PSD4: variants seen among roughly 807,000 people sequenced by gnomAD.
PSD4 encodes the protein pleckstrin and Sec7 domain containing 4.
A neutral mutation model predicts 112.5 loss-of-function variants in PSD4; 59 were observed. The ratio of observed to expected loss-of-function variants is 0.52; its 90% CI spans 0.43 to 0.65. PSD4 has a LOEUF of 0.65. Among genes scored for constraint, PSD4 ranks in the 30% least tolerant of loss-of-function variants. The pLI is 0.00. For missense variants in PSD4, 1,267 were observed against 1,352.6 expected, an observed-to-expected ratio of 0.94 and a Z score of 0.99; for synonymous variants, 533 against 540.0, an observed-to-expected ratio of 0.99 and a Z score of 0.18.
chr2:113,180,386 G>A (rs1007043538), intron 1 of PSD4, among the ~76,000 whole-genome samples: 3 of 152,208 alleles, frequency 2.0e-5, no homozygotes, highest in African/African-American at 7.2e-5. Flanking sequence ...CTAGTGCTGG[G>A]CAGGGAGGAG....
chr2:113,195,256 G>C (rs1472696484), intron 10 of PSD4, among the ~76,000 whole-genome samples: 1 of 151,884 alleles, frequency 6.6e-6, no homozygotes, highest in African/African-American at 2.4e-5. Context: ...CGCCTCCCGG[G>C]TTCAAGCAAT....
intron 16 of PSD4, among the ~76,000 whole-genome samples, 175 bp downstream of exon 16, chr2:113,199,401 C>T (rs1468854707): frequency 6.6e-6 from 1 of 152,258 alleles, no homozygotes; most frequent in Non-Finnish European, 1.5e-5. Context: ...CCCACATGGA[C>T]ACCCGCGTGC....
chr2:113,178,595 G>A (rs1688039857), intron 1 of PSD4, among the ~76,000 whole-genome samples: 1 of 151,930 alleles, frequency 6.6e-6, no homozygotes, highest in South Asian at 2.1e-4. Flanking sequence ...GACAAGTGGG[G>A]TTTCCTCTCA....
chr2:113,176,904 G>A (rs1484330792), intron 1 of PSD4, among the ~76,000 whole-genome samples: 2 of 152,154 alleles, frequency 1.3e-5, no homozygotes, highest in African/African-American at 2.4e-5. Flanking sequence ...CTGGGTGACC[G>A]GTAGGACTGC....
intron 1 of PSD4, among the ~76,000 whole-genome samples, chr2:113,181,193 A>C (rs1465186094): frequency 6.1e-5 from 9 of 148,314 alleles, no homozygotes; most frequent in African/African-American, 2.3e-4. Context: ...GTGCCGCTAC[A>C]CTCCAACCCG....
intron 5 of PSD4, among the ~76,000 whole-genome samples, chr2:113,191,260 C>T (rs1473921790): frequency 6.6e-6 from 1 of 152,082 alleles, no homozygotes; most frequent in African/African-American, 2.4e-5. Context: ...TGTTATATAT[C>T]TGTTTATCAG....
At chr2:113,197,010 G>A (rs925998956) in intron 12 of PSD4, among the ~76,000 whole-genome samples, 6 of 152,268 alleles carry the variant, frequency 3.9e-5, no homozygotes, top group Non-Finnish European at 8.8e-5. Context: ...CTGTGAAGCC[G>A]CCGGGGCCCT....
chr2:113,194,857 C>A lies in PSD4; in HGVS notation c.2182-870C>A, dbSNP rs563049730. 2.6e-5 allele frequency among the ~76,000 whole-genome samples: 4 copies of A among 152,350 alleles called. No individual in the cohort carries two copies. The East Asian group carries it at 7.7e-4, about 29-fold the overall frequency. On this transcript the variant is annotated intron_variant, in intron 10 of 16. Coordinates refer to ENST00000245796, the MANE Select transcript of PSD4 (RefSeq NM_012455.3). ...CATCCTTGACTGAACCATCATGATG[C>A]TGTTATATGGTACATGGCTGTACTT...
intron 14 of PSD4, 27 bp from the exon 15 acceptor site, chr2:113,198,713 G>A (rs1228262980): frequency 1.3e-6 from 2 of 1,515,894 alleles, no homozygotes; most frequent in Non-Finnish European, 1.8e-6. Flanking sequence ...CTGTGTCCCC[G>A]GGGACCAACG....
At position 113,182,975 on chromosome 2, in the gene PSD4, G is replaced by A. The variant is rs370450608; in HGVS notation, c.519G>A (p.Glu173=). The A allele has an allele frequency of 8.1e-6, 13 of 1,614,228 alleles. No homozygotes were observed. Among genetic ancestry groups the A allele is most frequent in the South Asian group, 1.1e-5 (1 of 91,092 alleles). The change falls in exon 2 of 17, where the codon GAG becomes GAA. Residue 173 remains glutamate, a synonymous_variant. Coordinates refer to ENST00000245796, the MANE Select transcript of PSD4 (RefSeq NM_012455.3). ...AQMCVLDLEE[E]LEKTEGLKAG... ...TGTGTGTCCTAGACCTGGAGGAGGAGCTGGAGAAGACGGAAGGGCTCAAGG... is the reference window on the plus strand; with the variant it reads ...TGTGTGTCCTAGACCTGGAGGAGGAACTGGAGAAGACGGAAGGGCTCAAGG...
At position 113,182,942 on chromosome 2, in the gene PSD4, G is replaced by A; in HGVS notation, c.486G>A (p.Gln162=). 6.2e-7 allele frequency: 1 copy of A among 1,614,224 alleles called. No homozygotes were observed. The highest frequency in any genetic ancestry group is 8.5e-7 in the Non-Finnish European group (1 of 1,180,040). Residue 162 remains glutamine, a synonymous_variant, in exon 2 of 17, where the codon CAG becomes CAA. Transcript: ENST00000245796. ...TAGTGTTCTGGGCAGGCATCCTGCA[G>A]GCCCAGATGTGTGTCCTAGACCTGG... The part of the protein sequence containing the change: ...TQVVFWAGIL[Q]AQMCVLDLEE...
rs1688169456 is a variant in PSD4 at position 113,182,604 on chromosome 2, A to G, written c.148A>G (p.Thr50Ala). 1 of 1,614,084 alleles carries G rather than the reference A, an allele frequency of 6.2e-7. No individual in the cohort carries two copies. The highest frequency in any genetic ancestry group is 1.3e-5 in the African/African-American group (1 of 75,028). ...EDPPEPFEEQ[T>A]WATDPPEPTR... ...TCCACCGGAGCCTTTCGAGGAGCAA[A>G]CCTGGGCCACTGACCCTCCTGAACC... Residue 50 changes from threonine to alanine, a missense_variant, in exon 2 of 17, where the codon ACC becomes GCC. By Grantham distance (58) the Thr-to-Ala change is moderately conservative. Coordinates refer to ENST00000245796, the MANE Select transcript of PSD4 (RefSeq NM_012455.3).
chr2:113,174,799 A>G (rs982339613), intron 1 of PSD4, among the ~76,000 whole-genome samples: 21 of 152,196 alleles, frequency 1.4e-4, no homozygotes, highest in African/African-American at 4.8e-4. Flanking sequence ...AGGTAGCTGC[A>G]TGGAGGGAAA....
chr2:113,198,429 G>A (rs553040527), intron 14 of PSD4: 11 of 297,116 alleles, frequency 3.7e-5, no homozygotes, highest in African/African-American at 2.2e-4. Flanking sequence ...GCGCCACCGC[G>A]CCTGGCTAAT....
intron 5 of PSD4, among the ~76,000 whole-genome samples, chr2:113,189,865 G>T (rs1446546074): frequency 6.6e-6 from 1 of 152,010 alleles, no homozygotes; most frequent in Non-Finnish European, 1.5e-5. Context: ...GGGATTATTT[G>T]TTTTTTTCTT....
At position 113,180,787 on chromosome 2, in the gene PSD4, G is replaced by T. The variant is rs958052676; in HGVS notation, c.-111-1559G>T. 2.0e-5 allele frequency among the ~76,000 whole-genome samples: 3 copies of T among 152,184 alleles called. No homozygotes were observed. In the South Asian group the frequency reaches 6.2e-4, roughly 32 times the overall value. On this transcript the variant is annotated intron_variant, in intron 1 of 16. Coordinates refer to ENST00000245796, the MANE Select transcript of PSD4 (RefSeq NM_012455.3). ...GTTCTTGGGTATCTGGAAGTCACAC[G>T]TGGTTATAAACTGGGAGCATGTGTG...
rs776699144 is a variant in PSD4, at chr2:113,185,392, AGAG to A, written c.1206_1208del (p.Gly403del). 1.9e-6 allele frequency: 3 copies of A among 1,614,152 alleles called. No homozygotes were observed. The highest frequency in any genetic ancestry group is 2.5e-6 in the Non-Finnish European group (3 of 1,180,028). On this transcript the variant is annotated inframe_deletion, in exon 4 of 17. Coordinates refer to ENST00000245796, the MANE Select transcript of PSD4 (RefSeq NM_012455.3). The stretch of plus-strand genomic sequence containing the variant: ...CTCTCTCAGCCCTGAGGGCTGGCAG[AGAG>A]GAGGTCCTTTTTGGCCCCAGGTGAC...
Position 113,201,470 on chromosome 2 carries a change from AC to A in PSD4, c.*57del. On this transcript the variant is annotated 3_prime_UTR_variant, in exon 17 of 17. Coordinates refer to ENST00000245796, the MANE Select transcript of PSD4 (RefSeq NM_012455.3). ...CTGCTCCAGGGTAGACCTGAGATGA[AC>A]CTCCCTGGAGGAGACTTATTTCAAT... The A allele has an allele frequency of 5.0e-6, 8 of 1,593,454 alleles. No homozygotes were observed. Among genetic ancestry groups the A allele is most frequent in the Non-Finnish European group, 6.8e-6 (8 of 1,170,128 alleles).
At chr2:113,196,397 G>C (rs905930010) in intron 12 of PSD4, 90 bp downstream of exon 12, 2 of 1,473,842 alleles carry the variant, frequency 1.4e-6, no homozygotes, top group Admixed American at 4.3e-5. Context: ...TGTGCAGAGA[G>C]ACAGCCCGCG....
Sources: gnomAD v4.1 joint callset for allele counts (sites outside exome capture counted in the v4.1 genomes callset) on GRCh38, gnomAD v4.1.1 for gene constraint, MANE v1.5 for transcripts, NCBI Gene and HGNC (gene_info 2026-07-23, HGNC 2026-07-21) for gene names.